ZNF608: variants seen among roughly 807,000 people sequenced by gnomAD.
ZNF608 encodes the protein renal carcinoma antigen NY-REN-36.
Under a neutral mutation model 109.0 loss-of-function variants are expected in ZNF608, and 12 were observed. That is an observed-to-expected ratio of 0.11 (90% CI 0.07 to 0.18). The LOEUF is 0.18. Ranked by LOEUF, ZNF608 falls within the 10% of genes least tolerant of loss-of-function variation. The pLI is 1.00. For synonymous variants in ZNF608, 732 were observed against 717.4 expected (o/e 1.02, Z -0.33); for missense variants, 1,707 against 1,879.3 (o/e 0.91, Z 1.70).
At chr5:124,664,991 T>C (rs1299801908) in intron 3 of ZNF608, among the ~76,000 whole-genome samples, 1 of 151,958 alleles carries the variant, frequency 6.6e-6, no homozygotes, top group Non-Finnish European at 1.5e-5. Context: ...CTGGTCAACA[T>C]AGTGAAACCC....
At chr5:124,642,629 T>A (rs1038948262) in intron 7 of ZNF608, among the ~76,000 whole-genome samples, 2 of 151,740 alleles carry the variant, frequency 1.3e-5, no homozygotes, top group African/African-American at 4.8e-5. Flanking sequence ...CACATCTGCC[T>A]AGATGGGGCT....
intron 3 of ZNF608, among the ~76,000 whole-genome samples, chr5:124,671,832 C>G (rs943040790): frequency 6.6e-6 from 1 of 151,730 alleles, no homozygotes; most frequent in Admixed American, 6.6e-5. Context: ...AGATGGGGGT[C>G]TCCCTATGTT....
intron 2 of ZNF608, among the ~76,000 whole-genome samples, chr5:124,722,540 T>A (rs994377467): frequency 6.6e-6 from 1 of 151,386 alleles, no homozygotes; most frequent in African/African-American, 2.4e-5. Context: ...TTTAAAGCAA[T>A]ACTGTGATGA....
At chr5:124,693,116 A>C (rs916632988) in intron 3 of ZNF608, among the ~76,000 whole-genome samples, 1 of 152,252 alleles carries the variant, frequency 6.6e-6, no homozygotes. Flanking sequence ...AGAAAAAAAC[A>C]CTGAATTATA....
At chr5:124,668,198 ATAT>A (rs1561547615) in intron 3 of ZNF608, among the ~76,000 whole-genome samples, 1 of 5,772 alleles carries the variant, frequency 1.7e-4, no homozygotes, top group East Asian at 0.015. Context: ...GCTTAAAAAT[ATAT>A]ATATATATAT....
intron 3 of ZNF608, among the ~76,000 whole-genome samples, chr5:124,655,566 C>T (rs1340052872): frequency 1.3e-5 from 2 of 152,184 alleles, no homozygotes; most frequent in Non-Finnish European, 2.9e-5. Flanking sequence ...TTACACATTT[C>T]TTTCCTTTTA....
intron 2 of ZNF608, among the ~76,000 whole-genome samples, chr5:124,726,728 T>C (rs554781849): frequency 3.4e-4 from 51 of 150,872 alleles, no homozygotes; most frequent in Non-Finnish European, 5.9e-4. Flanking sequence ...CTCATCGCAT[T>C]CAAGCTAAAA....
In ZNF608 at chr5:124,647,177, T is replaced by C. The variant is rs548860825; in HGVS notation, c.3207A>G (p.Gln1069=). The C allele has an allele frequency of 6.8e-6, 11 of 1,614,170 alleles. No homozygotes were observed. In the South Asian group the frequency reaches 1.2e-4, roughly 18 times the overall value. The change falls in exon 5 of 10, where the codon CAA becomes CAG. Residue 1069 remains glutamine (Q), a synonymous_variant. Coordinates refer to ENST00000513986, the MANE Select transcript of ZNF608 (RefSeq NM_020747.3). The part of the protein sequence containing the change: ...LQPQHQSVIT[Q]RHPALAQSLY... ...GTGACTGAGCCAGGGCAGGATGTCT[T>C]TGTGTGATCACCGACTGGTGCTGAG...
At chr5:124,682,527 C>T (rs1288405183) in intron 3 of ZNF608, among the ~76,000 whole-genome samples, 1 of 152,204 alleles carries the variant, frequency 6.6e-6, no homozygotes, top group East Asian at 1.9e-4. Context: ...ATTTTTATAG[C>T]TATGAATAAT....
intron 3 of ZNF608, among the ~76,000 whole-genome samples, chr5:124,693,974 C>CTT (rs746610497): frequency 0.032 from 1,969 of 60,906 alleles, 485 homozygotes; most frequent in South Asian, 0.14. Flanking sequence ...TTTCATTAAT[C>CTT]TTTTTTTTTT....
chr5:124,704,967 G>C (rs1481670492), intron 2 of ZNF608, among the ~76,000 whole-genome samples: 2 of 152,102 alleles, frequency 1.3e-5, no homozygotes, highest in African/African-American at 4.8e-5. Flanking sequence ...GGGTGGAAGG[G>C]AAGTAATTCA....
intron 2 of ZNF608, among the ~76,000 whole-genome samples, chr5:124,726,111 A>G (rs1001885827): frequency 2.0e-5 from 3 of 152,168 alleles, no homozygotes; most frequent in Admixed American, 2.0e-4. Context: ...CTTGGCAGCA[A>G]TTGACACAGC....
chr5:124,677,563 A>G (rs966048071), intron 3 of ZNF608, among the ~76,000 whole-genome samples: 1 of 152,212 alleles, frequency 6.6e-6, no homozygotes, highest in Non-Finnish European at 1.5e-5. Context: ...GAAAAATACA[A>G]CTATTACATA....
chr5:124,662,252 T>G (rs1480323763), intron 3 of ZNF608, among the ~76,000 whole-genome samples: 1 of 152,246 alleles, frequency 6.6e-6, no homozygotes, highest in Non-Finnish European at 1.5e-5. Flanking sequence ...TGGCTCTGAC[T>G]TCTTTCTTGG....
intron 2 of ZNF608, among the ~76,000 whole-genome samples, chr5:124,716,142 CAAAAAAAA>C (rs1232356378): frequency 4.1e-5 from 3 of 73,966 alleles, no homozygotes; most frequent in Non-Finnish European, 8.3e-5. Flanking sequence ...GAATCCGTCT[CAAAAAAAA>C]AAAAAAAAAA....
rs1033720565 is a variant in ZNF608 at position 124,668,725 on chromosome 5, G to A, written c.1163-19028C>T. On this transcript the variant is annotated intron_variant, in intron 3 of 9. Transcript: ENST00000513986. Reference sequence around the variant, plus strand: ...CACACAGCTGGGAGGCCTGACCCACGCCCAGGAGCCTTTCGGGAATTTTGC... The same window carrying A: ...CACACAGCTGGGAGGCCTGACCCACACCCAGGAGCCTTTCGGGAATTTTGC... Among the ~76,000 whole-genome samples the A allele has an allele frequency of 1.2e-4, 18 of 152,252 alleles. 1 individual carries two copies. Among genetic ancestry groups the A allele is most frequent in the Admixed American group, 3.3e-4 (5 of 15,304 alleles).
upstream of ZNF608, chr5:124,746,795 A>C: frequency 1.0e-6 from 1 of 984,300 alleles, no homozygotes; most frequent in Non-Finnish European, 1.2e-6. Flanking sequence ...AACTTAAGAG[A>C]AAAGGAGGGG....
chr5:124,659,610 C>T (rs1751161175), intron 3 of ZNF608, among the ~76,000 whole-genome samples: 1 of 152,214 alleles, frequency 6.6e-6, no homozygotes, highest in African/African-American at 2.4e-5. Context: ...CCTAACTCCT[C>T]TCATCACCTA....
At chr5:124,654,740 G>A (rs1561539963) in intron 3 of ZNF608, among the ~76,000 whole-genome samples, 1 of 152,186 alleles carries the variant, frequency 6.6e-6, no homozygotes, top group Non-Finnish European at 1.5e-5. Context: ...CCACTTCCAG[G>A]CCTGGCCCAT....
Sources: allele counts gnomAD v4.1 joint callset (sites outside exome capture counted in the v4.1 genomes callset), GRCh38; gene constraint gnomAD v4.1.1; transcripts MANE v1.5; gene names NCBI Gene and HGNC (gene_info 2026-07-23, HGNC 2026-07-21).